The following ULK4 variants were observed in gnomAD, a reference collection of about 807,000 sequenced individuals.
ULK4 encodes the protein unc-51 like kinase 4.
Under a neutral mutation model 160.6 loss-of-function variants are expected in ULK4, and 133 were observed. That is an observed-to-expected ratio of 0.83 (90% CI 0.72 to 0.96). ULK4 has a LOEUF of 0.96. Among genes scored for constraint, ULK4 ranks in the 40% least tolerant of loss-of-function variants. ULK4 has a pLI of 0.00. For synonymous variants in ULK4, 534 were observed against 539.8 expected (o/e 0.99, Z 0.15); for missense variants, 1,580 against 1,499.5 (o/e 1.05, Z -0.89).
chr3:41,374,853 G>A (rs540241913), intron 35 of ULK4, among the ~76,000 whole-genome samples: 3 of 152,290 alleles, frequency 2.0e-5, no homozygotes, highest in Admixed American at 6.5e-5. Flanking sequence ...AATTATCTCC[G>A]TTTGCACATG....
intron 35 of ULK4, among the ~76,000 whole-genome samples, chr3:41,266,842 C>G (rs1238663140): frequency 6.6e-6 from 1 of 152,080 alleles, no homozygotes. Flanking sequence ...ATCCAAACAG[C>G]CTCCTTTACT....
At chr3:41,853,584 G>A (rs1268668842) in intron 17 of ULK4, among the ~76,000 whole-genome samples, 1 of 152,038 alleles carries the variant, frequency 6.6e-6, no homozygotes, top group African/African-American at 2.4e-5. Flanking sequence ...TGTTTTTCTC[G>A]AGCAGCTAAA....
intron 30 of ULK4, among the ~76,000 whole-genome samples, chr3:41,635,326 AT>A (rs138660298): frequency 0.049 from 7,514 of 152,238 alleles, 428 homozygotes; most frequent in African/African-American, 0.13. Context: ...CTAAAGTTTC[AT>A]AAGAACCACT....
chr3:41,316,969 T>C (rs1227441944), intron 35 of ULK4, among the ~76,000 whole-genome samples: 3 of 152,138 alleles, frequency 2.0e-5, no homozygotes, highest in Non-Finnish European at 4.4e-5. Context: ...GCAATTTTAA[T>C]TTAATATTAC....
chr3:41,378,209 C>G (rs2081554466), intron 35 of ULK4, among the ~76,000 whole-genome samples: 1 of 115,972 alleles, frequency 8.6e-6, no homozygotes, highest in African/African-American at 3.5e-5. Context: ...GAACATCACA[C>G]TCGGGGGACT....
intron 16 of ULK4, among the ~76,000 whole-genome samples, chr3:41,895,189 C>T (rs145679824): frequency 2.8e-4 from 42 of 152,312 alleles, no homozygotes; most frequent in African/African-American, 1.0e-3. Context: ...ATGGGAGAAT[C>T]ACTTGAGCCC....
chr3:41,663,582 A>C (rs1182150811), intron 30 of ULK4, 25 bp downstream of exon 30: 1 of 1,596,396 alleles, frequency 6.3e-7, no homozygotes, highest in Non-Finnish European at 8.6e-7. Flanking sequence ...GAGACACAAG[A>C]AAAAGAAATT....
chr3:41,357,170 T>C (rs1208062810), intron 35 of ULK4, among the ~76,000 whole-genome samples: 1 of 152,204 alleles, frequency 6.6e-6, no homozygotes, highest in Non-Finnish European at 1.5e-5. Flanking sequence ...AAACATTCGA[T>C]CTTCACATTA....
chr3:41,308,614 T>C (rs1344975571), intron 35 of ULK4, among the ~76,000 whole-genome samples: 3 of 152,166 alleles, frequency 2.0e-5, no homozygotes, highest in Non-Finnish European at 2.9e-5. Flanking sequence ...AAGCAGTAGA[T>C]AAGCAATAGA....
chr3:41,363,932 CTTT>C (rs113229684), intron 35 of ULK4, among the ~76,000 whole-genome samples: 1 of 147,646 alleles, frequency 6.8e-6, no homozygotes, highest in African/African-American at 2.5e-5. Flanking sequence ...AATTCTCTCT[CTTT>C]TTTTTTTTCT....
chr3:41,783,683 T>C (rs2039920131), intron 21 of ULK4, among the ~76,000 whole-genome samples: 1 of 152,206 alleles, frequency 6.6e-6, no homozygotes, highest in African/African-American at 2.4e-5. Context: ...TTGAATTCTC[T>C]ATACTACTCA....
At chr3:41,378,646 G>A (rs188394766) in intron 35 of ULK4, among the ~76,000 whole-genome samples, 9 of 151,034 alleles carry the variant, frequency 6.0e-5, no homozygotes, top group South Asian at 2.1e-4. Context: ...GTAGGGGAGC[G>A]GGGAGGGATA....
intron 35 of ULK4, among the ~76,000 whole-genome samples, chr3:41,308,664 G>C (rs990558389): frequency 1.3e-5 from 2 of 152,166 alleles, no homozygotes; most frequent in African/African-American, 2.4e-5. Context: ...GATACGGGTT[G>C]AGTATTCCTA....
intron 21 of ULK4, among the ~76,000 whole-genome samples, chr3:41,770,319 T>G (rs917709445): frequency 6.6e-6 from 1 of 152,158 alleles, no homozygotes; most frequent in Non-Finnish European, 1.5e-5. Flanking sequence ...TACAGGTTTG[T>G]GTCAAAACAC....
chr3:41,421,168 T>C (rs960580405), intron 34 of ULK4, among the ~76,000 whole-genome samples: 7 of 152,112 alleles, frequency 4.6e-5, no homozygotes, highest in African/African-American at 7.2e-5. Flanking sequence ...CTGTGTATTA[T>C]ATAATACCTG....
At chr3:41,634,119 T>C (rs1200966305) in intron 30 of ULK4, among the ~76,000 whole-genome samples, 2 of 152,228 alleles carry the variant, frequency 1.3e-5, no homozygotes, top group Non-Finnish European at 2.9e-5. Context: ...GTTTACACTG[T>C]GCCTTTCATG....
At chr3:41,300,838 T>C (rs1317136823) in intron 35 of ULK4, among the ~76,000 whole-genome samples, 2 of 9,776 alleles carry the variant, frequency 2.0e-4, no homozygotes, top group Non-Finnish European at 2.8e-4. Context: ...TTTTACAGAT[T>C]ATATATATAT....
chr3:41,960,335 T>C (rs1190716371), intron 1 of ULK4, among the ~76,000 whole-genome samples: 1 of 152,156 alleles, frequency 6.6e-6, no homozygotes, highest in Middle Eastern at 3.2e-3. Flanking sequence ...GGCTGTTTCC[T>C]TAGAGTAAAA....
At chr3:41,413,080 T>G (rs1250992914) in intron 34 of ULK4, among the ~76,000 whole-genome samples, 1 of 152,050 alleles carries the variant, frequency 6.6e-6, no homozygotes, top group Non-Finnish European at 1.5e-5. Context: ...CTCACAATCA[T>G]GGCGGAAGGT....
Sources: allele counts gnomAD v4.1 joint callset (sites outside exome capture counted in the v4.1 genomes callset), GRCh38; gene constraint gnomAD v4.1.1; transcripts MANE v1.5; gene names NCBI Gene and HGNC (gene_info 2026-07-23, HGNC 2026-07-21).